VPS13C: variants seen among roughly 807,000 people sequenced by gnomAD.
VPS13C encodes vacuolar protein sorting 13 homolog C, also known as intermembrane lipid transfer protein VPS13C.
VPS13C carries 358 observed loss-of-function variants against 456.8 expected under a neutral mutation model. The observed-to-expected ratio is 0.78, with a 90% CI of 0.72 to 0.86. VPS13C has a LOEUF of 0.86. Among genes scored for constraint, VPS13C ranks in the 40% least tolerant of loss-of-function variants. The pLI is 0.00. For missense variants in VPS13C, 4,818 were observed against 4,385.4 expected (o/e 1.10, Z -2.79); for synonymous variants, 1,578 against 1,486.7 (o/e 1.06, Z -1.41).
intron 22 of VPS13C, among the ~76,000 whole-genome samples, chr15:61,980,655 T>C (rs1159430612): frequency 6.6e-6 from 1 of 151,980 alleles, no homozygotes; most frequent in African/African-American, 2.4e-5. Context: ...AAAAAATCTA[T>C]AAACAGTACC....
chr15:62,051,972 A>T (rs2048634548), intron 1 of VPS13C, among the ~76,000 whole-genome samples: 1 of 152,252 alleles, frequency 6.6e-6, no homozygotes. Flanking sequence ...ATACATGAAG[A>T]AATTAAAGTC....
At chr15:61,969,090 G>C (rs1457263479) in intron 28 of VPS13C, among the ~76,000 whole-genome samples, 1 of 152,052 alleles carries the variant, frequency 6.6e-6, no homozygotes, top group African/African-American at 2.4e-5. Context: ...CAATCAGTCT[G>C]TGACTTAGTT....
intron 35 of VPS13C, 147 bp downstream of exon 35, chr15:61,961,437 ACACAC>A: frequency 8.2e-6 from 5 of 606,104 alleles, no homozygotes; most frequent in East Asian, 3.0e-5. Flanking sequence ...ACACACACAC[ACACAC>A]AAAACAATGA....
intron 15 of VPS13C, 70 bp from the exon 16 acceptor site, chr15:62,000,696 T>C: frequency 7.6e-7 from 1 of 1,308,352 alleles, no homozygotes; most frequent in Non-Finnish European, 1.1e-6. Context: ...TCTTTCATGA[T>C]TTCTAGGCAT....
Position 61,918,376 on chromosome 15 carries a change from T to C in VPS13C, c.7639-119A>G, listed in dbSNP as rs4775452. ...ATTTCAAACTCAGTATTGGAAGATA[T>C]TTTTATTGGCAATTGAAAAATTTTA... On this transcript the variant is annotated intron_variant, in intron 58 of 84. Coordinates refer to ENST00000644861, the MANE Select transcript of VPS13C (RefSeq NM_020821.3). 41,824 of 951,598 alleles carry C rather than the reference T, an allele frequency of 0.044. 2,202 individuals are homozygous for C. Among genetic ancestry groups the C allele is most frequent in the East Asian group, 0.22 (7,233 of 33,586 alleles). 58.9% of individuals were successfully genotyped at this position (951,598 alleles called of 1,614,324 possible). A position where few individuals can be genotyped will look rare whatever the true frequency, so the allele number is the denominator to read the frequency against.
intron 74 of VPS13C, 141 bp downstream of exon 74, chr15:61,878,466 C>A (rs1895617590): frequency 1.8e-6 from 2 of 1,122,954 alleles, no homozygotes. Flanking sequence ...AGAGTATAAT[C>A]ACAAATGAAC....
chr15:61,911,763 G>T, intron 63 of VPS13C, 77 bp downstream of exon 63: 1 of 1,259,462 alleles, frequency 7.9e-7, no homozygotes, highest in Non-Finnish European at 1.1e-6. Flanking sequence ...TGAAAAAGAG[G>T]TATATACAAT....
intron 67 of VPS13C, among the ~76,000 whole-genome samples, chr15:61,887,681 ACT>A (rs952777443): frequency 2.0e-5 from 3 of 152,162 alleles, no homozygotes; most frequent in Non-Finnish European, 4.4e-5. Context: ...ACAGAGTGAC[ACT>A]CTGTCTCAAA....
At chr15:61,916,095 A>C (rs888885284) in intron 60 of VPS13C, 73 bp from the exon 61 acceptor site, 1 of 1,457,966 alleles carries the variant, frequency 6.9e-7, no homozygotes, top group Non-Finnish European at 9.1e-7. Flanking sequence ...TTTTTCACAA[A>C]TGCTAAATAA....
intron 38 of VPS13C, among the ~76,000 whole-genome samples, chr15:61,953,399 C>A (rs2044873110): frequency 8.3e-6 from 1 of 120,498 alleles, no homozygotes; most frequent in Non-Finnish European, 1.7e-5. Context: ...CTCCCCCGAC[C>A]CCATAACAGT....
At chr15:61,872,126 T>A in intron 78 of VPS13C, 92 bp from the exon 79 acceptor site, 1 of 987,900 alleles carries the variant, frequency 1.0e-6, no homozygotes, top group Non-Finnish European at 1.5e-6. Flanking sequence ...ATACTGGAAA[T>A]AACAACAACA....
intron 18 of VPS13C, among the ~76,000 whole-genome samples, chr15:61,988,134 C>T (rs909574234): frequency 1.3e-5 from 2 of 152,024 alleles, no homozygotes; most frequent in South Asian, 4.1e-4. Flanking sequence ...AACAAAACAA[C>T]GCATGAACTG....
At chr15:61,985,141 T>A (rs944470616) in intron 18 of VPS13C, 142 bp from the exon 19 acceptor site, 2 of 588,034 alleles carry the variant, frequency 3.4e-6, no homozygotes, top group Non-Finnish European at 5.2e-6. Context: ...ATGCTCACCA[T>A]AAAGGAAAAA....
chr15:61,907,519 A>C (rs2043184739), intron 65 of VPS13C, 129 bp from the exon 66 acceptor site: 2 of 1,209,596 alleles, frequency 1.7e-6, no homozygotes, highest in Admixed American at 2.9e-5. Flanking sequence ...ACACAACTCT[A>C]CCTAAAAACA....
intron 1 of VPS13C, among the ~76,000 whole-genome samples, chr15:62,055,787 T>G (rs2048773735): frequency 6.6e-6 from 1 of 152,186 alleles, no homozygotes; most frequent in South Asian, 2.1e-4. Context: ...CGTGTCCTTT[T>G]TAAAACCTTA....
chr15:61,893,058 G>T (rs142267780), intron 66 of VPS13C, among the ~76,000 whole-genome samples: 1,641 of 152,308 alleles, frequency 0.011, 108 homozygotes, highest in Admixed American at 0.098. Context: ...GCAAGGGGTA[G>T]AAAGTTAATT....
At chr15:61,987,907 T>C (rs553033790) in intron 18 of VPS13C, among the ~76,000 whole-genome samples, 1 of 152,234 alleles carries the variant, frequency 6.6e-6, no homozygotes, top group Non-Finnish European at 1.5e-5. Flanking sequence ...AGTAAAAACA[T>C]ATCTCCACCA....
intron 29 of VPS13C, 142 bp downstream of exon 29, chr15:61,967,226 A>C: frequency 2.9e-6 from 2 of 690,620 alleles, no homozygotes; most frequent in Non-Finnish European, 4.8e-6. Context: ...GAAGGTGTAC[A>C]AATGAAAAAA....
chr15:62,002,880 T>C (rs1340097765), intron 15 of VPS13C, among the ~76,000 whole-genome samples: 6 of 152,212 alleles, frequency 3.9e-5, no homozygotes, highest in Admixed American at 3.9e-4. Context: ...TTGATCTATA[T>C]CTCTATTTTG....
Sources: allele counts gnomAD v4.1 joint callset (sites outside exome capture counted in the v4.1 genomes callset), GRCh38; gene constraint gnomAD v4.1.1; transcripts MANE v1.5; gene names NCBI Gene and HGNC (gene_info 2026-07-23, HGNC 2026-07-21).